The following BDP1 variants were observed in gnomAD, a reference collection of about 807,000 sequenced individuals.
BDP1 encodes transcription factor TFIIIB component B'' homolog.
Under a neutral mutation model 266.6 loss-of-function variants are expected in BDP1, and 169 were observed. The observed-to-expected ratio is 0.63, with a 90% CI of 0.56 to 0.72. The LOEUF is 0.72. BDP1 is among the 30% of genes least tolerant of loss of function. The pLI is 0.00. For synonymous variants in BDP1, 1,090 were observed against 1,022.4 expected (o/e 1.07, Z -1.26); for missense variants, 3,015 against 3,053.8 (o/e 0.99, Z 0.30).
At chr5:71,570,755 C>G (rs1561803966), downstream of BDP1, among the ~76,000 whole-genome samples, 1 of 152,234 alleles carries the variant, frequency 6.6e-6, no homozygotes, top group Non-Finnish European at 1.5e-5. Context: ...ACCATCATCT[C>G]CAGTCTGCAA....
intron 30 of BDP1, among the ~76,000 whole-genome samples, chr5:71,542,832 A>G (rs1767057020): frequency 6.6e-6 from 1 of 152,178 alleles, no homozygotes; most frequent in Non-Finnish European, 1.5e-5. Flanking sequence ...TTTGTGTTAT[A>G]TACTGTATTC....
Position 71,497,340 on chromosome 5 carries a change from T to G in BDP1, c.1870T>G (p.Ser624Ala). Reference sequence around the variant, plus strand: ...CTTCCAAAGACCTAAACCCAATTTGTCAAGGGCTGGGAAGAAATCAGTTCT... The same window carrying G: ...CTTCCAAAGACCTAAACCCAATTTGGCAAGGGCTGGGAAGAAATCAGTTCT... Reference protein sequence around the residue: ...GRFQRPKPNLSRAGKKSVLSQ... With the variant: ...GRFQRPKPNLARAGKKSVLSQ... Residue 624 changes from serine (S) to alanine (A), a missense_variant, in exon 13 of 39, where the codon TCA becomes GCA. Physicochemically the swap from Ser to Ala is moderately conservative, Grantham distance 99 (BLOSUM62 1). This residue lies in a region of BDP1 where 2,383 missense variants were observed against 2,404.9 expected (regional missense o/e 0.99). Coordinates refer to ENST00000358731, the MANE Select transcript of BDP1 (RefSeq NM_018429.3). 1 of 1,613,832 alleles carries G rather than the reference T, an allele frequency of 6.2e-7. No homozygotes were observed. The highest frequency in any genetic ancestry group is 8.5e-7 in the Non-Finnish European group (1 of 1,179,890).
Position 71,545,142 on chromosome 5 carries a change from C to T in BDP1, c.6667C>T (p.Leu2223Phe), listed in dbSNP as rs566014494. ...GPCTLGLDRG[L>F]GENSVEEPQI... Reference sequence around the variant, plus strand: ...CTGCACACTTGGTTTGGATAGGGGTCTTGGTGAAAATTCTGTTGAAGAGCC... The same window carrying T: ...CTGCACACTTGGTTTGGATAGGGGTTTTGGTGAAAATTCTGTTGAAGAGCC... The change falls in exon 32 of 39, where the codon CTT (leucine) becomes TTT (phenylalanine). Residue 2223 changes from leucine to phenylalanine, a missense_variant. Leu to Phe is a conservative substitution (Grantham distance 22). Coordinates refer to ENST00000358731, the MANE Select transcript of BDP1 (RefSeq NM_018429.3). 1 of 1,613,652 alleles carries T rather than the reference C, an allele frequency of 6.2e-7. No homozygotes were observed. Among genetic ancestry groups the T allele is most frequent in the East Asian group, 2.2e-5 (1 of 44,866 alleles).
At chr5:71,560,337 A>G in intron 37 of BDP1, 100 bp downstream of exon 37, 1 of 1,259,232 alleles carries the variant, frequency 7.9e-7, no homozygotes, top group Admixed American at 2.8e-5. Flanking sequence ...GGTGTTTAAT[A>G]AACATATTCC....
In BDP1 at chr5:71,526,793, T is replaced by C. The variant is rs565466512; in HGVS notation, c.5772+2470T>C. Among the ~76,000 whole-genome samples the C allele has an allele frequency of 3.4e-4, 52 of 151,454 alleles. 1 individual carries two copies. Among genetic ancestry groups the C allele is most frequent in the African/African-American group, 1.2e-3 (49 of 41,258 alleles). ...ACCTCCACCTCCCAGGTTTAAGTGA[T>C]TATCCTGCCTCAGCCTCCTGTAGCT... is the stretch of plus-strand genomic sequence containing the variant. On this transcript the variant is annotated intron_variant, in intron 25 of 38. Transcript: ENST00000358731.
intron 25 of BDP1, among the ~76,000 whole-genome samples, chr5:71,527,282 T>C (rs1456684809): frequency 6.6e-6 from 1 of 152,084 alleles, no homozygotes; most frequent in Non-Finnish European, 1.5e-5. Context: ...AAAACCAAGA[T>C]ACAAGATACA....
At chr5:71,536,908 C>T (rs935621100) in intron 26 of BDP1, among the ~76,000 whole-genome samples, 1 of 151,994 alleles carries the variant, frequency 6.6e-6, no homozygotes, top group Non-Finnish European at 1.5e-5. Context: ...GCAGGCAGAT[C>T]ACAAGGTCAG....
chr5:71,555,588 C>T (rs867196838), intron 35 of BDP1, among the ~76,000 whole-genome samples: 1 of 151,920 alleles, frequency 6.6e-6, no homozygotes, highest in African/African-American at 2.4e-5. Context: ...TACAGGCAGC[C>T]GCCACCACGC....
chr5:71,557,876 T>C (rs1409756608), intron 36 of BDP1, among the ~76,000 whole-genome samples: 2 of 152,112 alleles, frequency 1.3e-5, no homozygotes, highest in East Asian at 3.9e-4. Flanking sequence ...CCCTGAAAAT[T>C]AGTTTAGTTC....
In BDP1 at chr5:71,507,441, G is replaced by A. The variant is rs796315265; in HGVS notation, c.2373-2024G>A. Among the ~76,000 whole-genome samples, 69 of 152,232 alleles carry A rather than the reference G, an allele frequency of 4.5e-4. 1 individual carries two copies. The highest frequency in any genetic ancestry group is 1.6e-3 in the African/African-American group (68 of 41,542). ...TGGAATGGCAGTTTAAAAAATCTAA[G>A]CACATAGAATATAATTATAACATTG... On this transcript the variant is annotated intron_variant, in intron 16 of 38. Transcript: ENST00000358731.
In BDP1 at chr5:71,510,105, G is replaced by A. The variant is rs374151421; in HGVS notation, c.3013G>A (p.Val1005Ile). 26 of 1,613,476 alleles carry A rather than the reference G, an allele frequency of 1.6e-5. No homozygotes were observed. The highest frequency in any genetic ancestry group is 2.7e-5 in the African/African-American group (2 of 74,808). Residue 1005 changes from valine (V) to isoleucine (I), a missense_variant, in exon 17 of 39, where the codon GTA (valine) becomes ATA (isoleucine). Transcript: ENST00000358731. Reference protein sequence around the residue: ...RENGPEEVKPVDEMETDLNAT... With the variant: ...RENGPEEVKPIDEMETDLNAT... ...AAATGGCCCAGAGGAGGTCAAGCCTGTAGATGAAATGGAGACAGATTTGAA... is the reference window on the plus strand; with the variant it reads ...AAATGGCCCAGAGGAGGTCAAGCCTATAGATGAAATGGAGACAGATTTGAA...
At position 71,495,411 on chromosome 5, in the gene BDP1, A is replaced by G. The variant is rs766194327; in HGVS notation, c.1799+3A>G. On this transcript the variant is annotated splice_donor_region_variant and intron_variant, in intron 12 of 38. Coordinates refer to ENST00000358731, the MANE Select transcript of BDP1 (RefSeq NM_018429.3). ...GTTGACCTAAAAAATAATTCACTGT[A>G]AGTATTTTATACGATAGGATTTATT... 1 of 1,560,240 alleles carries G rather than the reference A, an allele frequency of 6.4e-7. No homozygotes were observed. Among genetic ancestry groups the G allele is most frequent in the Non-Finnish European group, 8.7e-7 (1 of 1,147,016 alleles).
At position 71,464,080 on chromosome 5, in the gene BDP1, A is replaced by G; in HGVS notation, c.622A>G (p.Lys208Glu). 1 of 1,579,164 alleles carries G rather than the reference A, an allele frequency of 6.3e-7. No homozygotes were observed. The highest frequency in any genetic ancestry group is 8.6e-7 in the Non-Finnish European group (1 of 1,160,516). The change falls in exon 4 of 39, where the codon AAA becomes GAA. Residue 208 changes from lysine to glutamate, a missense_variant. Physicochemically the swap from Lys to Glu is moderately conservative, Grantham distance 56. Around this residue, in one of 3 missense-constraint regions of BDP1, gnomAD observed 2,383 missense variants for 2,404.9 expected, o/e 0.99. Transcript: ENST00000358731. ...TAGTTCTTCACTGGAACAAGAAAAG[A>G]AAACTGAAAAGCCATCGACTCCAGT... is the stretch of plus-strand genomic sequence containing the variant. Reference protein sequence around the residue: ...PMTSSLEQEKKTEKPSTPVQT... With the variant: ...PMTSSLEQEKETEKPSTPVQT...
Position 71,557,747 on chromosome 5 carries a change from A to G in BDP1, c.7240+822A>G, listed in dbSNP as rs142916458. On this transcript the variant is annotated intron_variant, in intron 36 of 38. Coordinates refer to ENST00000358731, the MANE Select transcript of BDP1 (RefSeq NM_018429.3). ...GAGATGGGGTTTCGCCATGTTGCCC[A>G]TGCTGGTCTTGAACTCCTGGCTTCA... Among the ~76,000 whole-genome samples the G allele has an allele frequency of 1.4e-3, 215 of 152,196 alleles. 1 individual carries two copies. Among genetic ancestry groups the G allele is most frequent in the African/African-American group, 5.0e-3 (209 of 41,540 alleles).
intron 25 of BDP1, among the ~76,000 whole-genome samples, chr5:71,525,011 T>A (rs1454378655): frequency 5.3e-5 from 8 of 152,066 alleles, no homozygotes; most frequent in African/African-American, 1.9e-4. Flanking sequence ...CAGAACAAAA[T>A]GAAAAGTCTC....
In BDP1 at chr5:71,497,373, G is replaced by A. The variant is rs865931465; in HGVS notation, c.1903G>A (p.Gly635Ser). ...RAGKKSVLSQ[G>S]KTESESKNSH... Reference sequence around the variant, plus strand: ...TGGGAAGAAATCAGTTCTTTCACAAGGCAAAACAGAGTCAGAGAGCAAGAA... The same window carrying A: ...TGGGAAGAAATCAGTTCTTTCACAAAGCAAAACAGAGTCAGAGAGCAAGAA... Residue 635 changes from glycine (G) to serine (S), a missense_variant, in exon 13 of 39, where the codon GGC becomes AGC. Physicochemically the swap from Gly to Ser is moderately conservative, Grantham distance 56. Coordinates refer to ENST00000358731, the MANE Select transcript of BDP1 (RefSeq NM_018429.3). 1 of 1,613,592 alleles carries A rather than the reference G, an allele frequency of 6.2e-7. No individual in the cohort carries two copies. Among genetic ancestry groups the A allele is most frequent in the Non-Finnish European group, 8.5e-7 (1 of 1,179,848 alleles).
At chr5:71,575,741 G>A in the BDP1 span, among the ~76,000 whole-genome samples, 2 of 152,156 alleles carry the variant, frequency 1.3e-5, no homozygotes, top group East Asian at 3.8e-4. Flanking sequence ...ATTATCAATG[G>A]AGAGTTTTAC....
intron 34 of BDP1, among the ~76,000 whole-genome samples, chr5:71,551,862 G>C (rs1218550398): frequency 6.7e-6 from 1 of 150,012 alleles, no homozygotes; most frequent in African/African-American, 2.5e-5. Context: ...AGACAGAGGC[G>C]CCCCTCACCT....
Position 71,458,572 on chromosome 5 carries a change from TC to T in BDP1, c.213-6del. On this transcript the variant is annotated splice_region_variant and splice_polypyrimidine_tract_variant and intron_variant, in intron 1 of 38. Coordinates refer to ENST00000358731, the MANE Select transcript of BDP1 (RefSeq NM_018429.3). ...GTGCCCTCTTTTTTCTTTTTTAATT[TC>T]AACAGTACTGAAAAGACTGGTGGTG... The T allele has an allele frequency of 6.4e-7, 1 of 1,565,110 alleles. No individual in the cohort carries two copies. The highest frequency in any genetic ancestry group is 8.6e-7 in the Non-Finnish European group (1 of 1,158,758).
Sources: allele counts gnomAD v4.1 joint callset (sites outside exome capture counted in the v4.1 genomes callset), GRCh38; gene constraint gnomAD v4.1.1; regional missense constraint gnomAD v4.1.1; transcripts MANE v1.5; gene names NCBI Gene and HGNC (gene_info 2026-07-23, HGNC 2026-07-21).